The following ZNF559 variants were observed in gnomAD, a reference collection of about 807,000 sequenced individuals.
The protein encoded by ZNF559 is putative protein product of Nbla00121.
Under a neutral mutation model 14.2 loss-of-function variants are expected in ZNF559, and 17 were observed. The observed-to-expected ratio is 1.20, with a 90% CI of 0.82 to 1.80. The LOEUF is 1.80. Among genes scored for constraint, ZNF559 ranks in the 40% most tolerant of loss-of-function variants. The probability of loss-of-function intolerance (pLI) is 0.00; values close to 1 mark genes in which losing one functional copy is unlikely to be tolerated. For synonymous variants in ZNF559, 244 were observed against 212.4 expected (o/e 1.15, Z -1.29); for missense variants, 740 against 629.7 (o/e 1.18, Z -1.88).
At chr19:9,334,508 G>T (rs529994210) in intron 2 of ZNF559, among the ~76,000 whole-genome samples, 2 of 152,206 alleles carry the variant, frequency 1.3e-5, no homozygotes, top group East Asian at 1.9e-4. Context: ...ATGAATAGAT[G>T]ATTTCATTTA....
In ZNF559 at chr19:9,341,992, CAA is replaced by C. The variant is rs777797342; in HGVS notation, c.542_543del (p.Gln181ArgfsTer5). On this transcript the variant is annotated frameshift_variant, in exon 7 of 7. Coordinates refer to ENST00000603380, the MANE Select transcript of ZNF559 (RefSeq NM_032497.3). LOFTEE classifies it low-confidence loss of function (END_TRUNC). ...TCTTGTTTGCAAGAAAACTCACACTCAAGAGAAACCATATAAATGCAGTGACT... is the reference window on the plus strand; with the variant it reads ...TCTTGTTTGCAAGAAAACTCACACTCGAGAAACCATATAAATGCAGTGACT... The part of the protein sequence containing the change: ...LHLVCKKTHT[Q>X]EKPYKCSDCE... 3.6e-4 allele frequency: 584 copies of C among 1,612,618 alleles called. 4 individuals are homozygous for C. The highest frequency in any genetic ancestry group is 3.3e-3 in the Middle Eastern group (20 of 6,052).
chr19:9,342,362 A>T lies in ZNF559; in HGVS notation c.911A>T (p.Lys304Ile). 1.2e-6 allele frequency: 2 copies of T among 1,608,920 alleles called. No homozygotes were observed. ...CACTATGTTTGTAATGAATGTGGCA[A>T]AGAATTTACTTGTTTCTCAAAACTC... ...GKHYVCNECG[K>I]EFTCFSKLNI... The change falls in exon 7 of 7, where the codon AAA becomes ATA. Residue 304 changes from lysine to isoleucine, a missense_variant. By Grantham distance (102) the Lys-to-Ile change is moderately radical. Coordinates refer to ENST00000603380, the MANE Select transcript of ZNF559 (RefSeq NM_032497.3).
At chr19:9,341,399 T>A (rs1409816973) in intron 6 of ZNF559, 8 of 753,616 alleles carry the variant, frequency 1.1e-5, no homozygotes, top group Non-Finnish European at 1.6e-5. Context: ...CCTTCAACAT[T>A]CCCATATGTA....
intron 6 of ZNF559, 65 bp from the exon 7 acceptor site, chr19:9,341,630 A>AG (rs1350529368): frequency 6.2e-7 from 1 of 1,602,686 alleles, no homozygotes; most frequent in South Asian, 1.1e-5. Context: ...TCAGAGTAAA[A>AG]GGGAGAATCT....
At position 9,342,723 on chromosome 19, in the gene ZNF559, T is replaced by G. The variant is rs2067639764; in HGVS notation, c.1272T>G (p.Leu424=). The G allele has an allele frequency of 1.2e-6, 2 of 1,614,086 alleles. No individual in the cohort carries two copies. Among genetic ancestry groups the G allele is most frequent in the South Asian group, 1.1e-5 (1 of 91,088 alleles). Residue 424 remains leucine (L), a synonymous_variant, in exon 7 of 7, where the codon CTT becomes CTG. Coordinates refer to ENST00000603380, the MANE Select transcript of ZNF559 (RefSeq NM_032497.3). ...AAGCCTTCATTCGATCCTCATTTCT[T>G]ATTCGACATTTGAGAAGTCACAGTG... ...CGKAFIRSSF[L]IRHLRSHSAE... is the part of the protein sequence containing the mutation.
At position 9,342,287 on chromosome 19, in the gene ZNF559, C is replaced by T. The variant is rs201413121; in HGVS notation, c.836C>T (p.Ala279Val). 4.2e-5 allele frequency: 67 copies of T among 1,587,810 alleles called. No individual in the cohort carries two copies. Among genetic ancestry groups the T allele is most frequent in the Non-Finnish European group, 5.6e-5 (66 of 1,170,996 alleles). Residue 279 changes from alanine to valine, a missense_variant, in exon 7 of 7, where the codon GCT becomes GTT. Physicochemically the swap from Ala to Val is moderately conservative, Grantham distance 64. Coordinates refer to ENST00000603380, the MANE Select transcript of ZNF559 (RefSeq NM_032497.3). ...IEHKKFGKAF[A>V]FSPDLAKHIR... The stretch of plus-strand genomic sequence containing the variant: ...CATAAGAAATTTGGCAAAGCCTTTG[C>T]TTTTTCCCCAGATCTTGCTAAACAT...
chr19:9,324,874 C>G (rs1021661141), intron 2 of ZNF559, 94 bp downstream of exon 2: 55 of 1,046,042 alleles, frequency 5.3e-5, no homozygotes, highest in Non-Finnish European at 7.7e-5. Context: ...GGTGGTTGTT[C>G]GAGAGCACAT....
In ZNF559 at chr19:9,324,625, C is replaced by CCCT. The variant is rs1555726691; in HGVS notation, c.-205-68_-205-67insTCC. On this transcript the variant is annotated intron_variant, in intron 1 of 6. Transcript: ENST00000603380. ...GCAGGGCAACATAGGGAGACCCCCCCCCCCAACCATCTCTAATGGAAAAAA... is the reference window on the plus strand; with the variant it reads ...GCAGGGCAACATAGGGAGACCCCCCCCCTCCCCAACCATCTCTAATGGAAAAAA... The CCCT allele has an allele frequency of 2.0e-3, 2,081 of 1,029,026 alleles. 65 individuals carry two copies. The African/African-American group carries it at 0.041, about 20-fold the overall frequency. 63.7% of individuals were successfully genotyped at this position (1,029,026 alleles called of 1,614,324 possible).
intron 5 of ZNF559, 95 bp downstream of exon 5, chr19:9,339,414 T>C (rs2067419669): frequency 5.0e-6 from 7 of 1,401,046 alleles, no homozygotes; most frequent in Non-Finnish European, 5.8e-6. Flanking sequence ...ATGGGCTGCA[T>C]TGGTAAACAG....
chr19:9,324,163 G>A (rs769074399), upstream of ZNF559: 3 of 1,536,082 alleles, frequency 2.0e-6, no homozygotes, highest in South Asian at 1.2e-5. Flanking sequence ...CGTGCGCGGC[G>A]TGTCTGCGTG....
In ZNF559 at chr19:9,337,872, C is replaced by T. The variant is rs1284191036; in HGVS notation, c.-57+14C>T. 2.6e-6 allele frequency: 4 copies of T among 1,521,106 alleles called. No homozygotes were observed. The African/African-American group carries it at 5.5e-5, about 21-fold the overall frequency. 94.2% of individuals were successfully genotyped at this position (1,521,106 alleles called of 1,614,324 possible). On this transcript the variant is annotated intron_variant, in intron 3 of 6. Transcript: ENST00000603380. ...GAAAGATTGACGGTATGAGGCAAGA[C>T]TCCCACTACTACTTAATCAAGAGGA...
At position 9,345,744 on chromosome 19, in the gene ZNF559, A is replaced by G. The variant is rs539619481; in HGVS notation, c.*2676A>G. On this transcript the variant is annotated 3_prime_UTR_variant, in exon 7 of 7. Coordinates refer to ENST00000603380, the MANE Select transcript of ZNF559 (RefSeq NM_032497.3). ...CATGTGGTTTTGCAATATTTATTGA[A>G]TTTTGAGAGTTTAAAATTTGTAATA... 417 of 151,480 alleles carry G rather than the reference A, an allele frequency of 2.8e-3. 2 individuals carry two copies. Among genetic ancestry groups the G allele is most frequent in the African/African-American group, 9.7e-3 (403 of 41,402 alleles). The allele number at this position is 151,480 out of a possible 1,614,324, so 9.4% of individuals were successfully genotyped here.
chr19:9,324,045 C>T (rs1036219321), upstream of ZNF559: 2 of 1,048,226 alleles, frequency 1.9e-6, no homozygotes, highest in Non-Finnish European at 1.4e-6. Context: ...TTGCGCTCTT[C>T]GGGGAGGTAA....
Position 9,343,640 on chromosome 19 carries a change from A to C in ZNF559, c.*572A>C. The C allele has an allele frequency of 1.0e-6, 1 of 988,582 alleles. No individual in the cohort carries two copies. Among genetic ancestry groups the C allele is most frequent in the South Asian group, 4.6e-5 (1 of 21,554 alleles). The allele number at this position is 988,582 out of a possible 1,614,324, so 61.2% of individuals were successfully genotyped here. ...CACACATTGAGAAGTCCCATGAGTGAAAGAGATGTTGGAAAGCCCTTGAAC... is the reference window on the plus strand; with the variant it reads ...CACACATTGAGAAGTCCCATGAGTGCAAGAGATGTTGGAAAGCCCTTGAAC... On this transcript the variant is annotated 3_prime_UTR_variant, in exon 7 of 7. Coordinates refer to ENST00000603380, the MANE Select transcript of ZNF559 (RefSeq NM_032497.3).
rs2067675606 is a variant in ZNF559, at chr19:9,343,896, T to A, written c.*828T>A. 9 of 784,852 alleles carry A rather than the reference T, an allele frequency of 1.1e-5. No individual in the cohort carries two copies. The highest frequency in any genetic ancestry group is 1.9e-5 in the African/African-American group (1 of 53,030). The allele number at this position is 784,852 out of a possible 1,614,324, so 48.6% of individuals were successfully genotyped here. ...CGGTTACAGATGGAACTCTTTATTA[T>A]TGAGGAGTTCCACTCTTTCCCCCAT... On this transcript the variant is annotated 3_prime_UTR_variant, in exon 7 of 7. Transcript: ENST00000603380.
Position 9,342,685 on chromosome 19 carries a change from C to G in ZNF559, c.1234C>G (p.Gln412Glu), listed in dbSNP as rs767797678. The G allele has an allele frequency of 5.0e-6, 8 of 1,613,984 alleles. No individual in the cohort carries two copies. The highest frequency in any genetic ancestry group is 6.8e-6 in the Non-Finnish European group (8 of 1,179,982). Residue 412 changes from glutamine (Q) to glutamate (E), a missense_variant, in exon 7 of 7, where the codon CAA (glutamine) becomes GAA (glutamate). Gln to Glu is a conservative substitution (Grantham distance 29, BLOSUM62 2). Transcript: ENST00000603380. ...TCCTGGTGTAAAACCCTATGACTGT[C>G]AACAGTGTGGGAAAGCCTTCATTCG... ...THPGVKPYDC[Q>E]QCGKAFIRSS...
At position 9,339,261 on chromosome 19, in the gene ZNF559, T is replaced by A; in HGVS notation, c.102T>A (p.Thr34=). 4 of 1,613,926 alleles carry A rather than the reference T, an allele frequency of 2.5e-6. No homozygotes were observed. Among genetic ancestry groups the A allele is most frequent in the Non-Finnish European group, 2.5e-6 (3 of 1,179,950 alleles). The change falls in exon 5 of 7, where the codon ACT becomes ACA. Residue 34 remains threonine (T), a synonymous_variant. Coordinates refer to ENST00000603380, the MANE Select transcript of ZNF559 (RefSeq NM_032497.3). Reference sequence around the variant, plus strand: ...AGGAGTGGACTTTGCTGGATCAAACTCAGAGAAACTTATACAGAGATGTGA... The same window carrying A: ...AGGAGTGGACTTTGCTGGATCAAACACAGAGAAACTTATACAGAGATGTGA... ...TQEEWTLLDQ[T]QRNLYRDVML...
intron 2 of ZNF559, among the ~76,000 whole-genome samples, chr19:9,326,456 T>C (rs2066611623): frequency 6.6e-6 from 1 of 152,194 alleles, no homozygotes; most frequent in Non-Finnish European, 1.5e-5. Flanking sequence ...CATTATCTTG[T>C]AAAATGCTGC....
In ZNF559 at chr19:9,342,926, C is replaced by T. The variant is rs776779169; in HGVS notation, c.1475C>T (p.Pro492Leu). ...VHMRTHTGERPFECQECGKAF... is the reference protein window; with the variant it reads ...VHMRTHTGERLFECQECGKAF... ...ATGAGAACTCACACTGGTGAACGGCCCTTTGAATGTCAGGAATGTGGGAAA... is the reference window on the plus strand; with the variant it reads ...ATGAGAACTCACACTGGTGAACGGCTCTTTGAATGTCAGGAATGTGGGAAA... The change falls in exon 7 of 7, where the codon CCC becomes CTC. Residue 492 changes from proline (P) to leucine (L), a missense_variant. Physicochemically the swap from Pro to Leu is moderately conservative, Grantham distance 98. Transcript: ENST00000603380. 1.7e-5 allele frequency: 27 copies of T among 1,614,048 alleles called. No homozygotes were observed. The highest frequency in any genetic ancestry group is 2.3e-5 in the Non-Finnish European group (27 of 1,180,040).
Sources: allele counts gnomAD v4.1 joint callset (sites outside exome capture counted in the v4.1 genomes callset), GRCh38; gene constraint gnomAD v4.1.1; transcripts MANE v1.5; gene names NCBI Gene and HGNC (gene_info 2026-07-23, HGNC 2026-07-21).